Variants in COL27A1 observed in about 807,000 individuals in gnomAD.
The protein encoded by COL27A1 is collagen alpha-1(XXVII) chain.
A neutral mutation model predicts 251.3 loss-of-function variants in COL27A1; 106 were observed. That is an observed-to-expected ratio of 0.42 (90% confidence interval 0.36 to 0.50). The LOEUF is 0.50. Among genes scored for constraint, COL27A1 ranks in the 20% least tolerant of loss-of-function variants. COL27A1 has a pLI of 0.00. For missense variants in COL27A1, 2,325 were observed against 2,522.8 expected, an observed-to-expected ratio of 0.92 and a Z score of 1.68; for synonymous variants, 1,000 against 986.3, an observed-to-expected ratio of 1.01 and a Z score of -0.26.
chr9:114,219,724 G>A, intron 12 of COL27A1, 67 bp from the exon 13 acceptor site: 1 of 1,166,728 alleles, frequency 8.6e-7, no homozygotes, highest in Non-Finnish European at 1.3e-6. Flanking sequence ...TGGGGGTCTG[G>A]ATCAAAGCCC....
intron 14 of COL27A1, among the ~76,000 whole-genome samples, chr9:114,226,271 G>T (rs1426966813): frequency 6.6e-6 from 1 of 152,154 alleles, no homozygotes; most frequent in South Asian, 2.1e-4. Context: ...ACCTGCCTTT[G>T]TTTCCTTGTC....
chr9:114,209,856 G>T (rs1464644635), intron 11 of COL27A1, 128 bp downstream of exon 11: 5 of 845,842 alleles, frequency 5.9e-6, no homozygotes, highest in Non-Finnish European at 9.9e-6. Context: ...AGTCGAGTAG[G>T]AGTCTGATAA....
chr9:114,173,204 C>T (rs995237982), intron 3 of COL27A1, among the ~76,000 whole-genome samples: 1 of 148,898 alleles, frequency 6.7e-6, no homozygotes, highest in East Asian at 1.9e-4. Context: ...ACAGAAGCCC[C>T]ACGCCTGAGA....
rs141401194 is a variant in COL27A1 at position 114,222,427 on chromosome 9, G to A, written c.2466+160G>A. 1.7e-4 allele frequency among the ~76,000 whole-genome samples: 26 copies of A among 151,820 alleles called. No individual in the cohort carries two copies. In the East Asian group the frequency reaches 4.9e-3, roughly 29 times the overall value. ...TGGGGGGCCAGGAGAGACCAACCTGGGTGAGGAAGGTGGGTAGGGGAAGGT... is the reference window on the plus strand; with the variant it reads ...TGGGGGGCCAGGAGAGACCAACCTGAGTGAGGAAGGTGGGTAGGGGAAGGT... On this transcript the variant is annotated intron_variant, in intron 14 of 60. Coordinates refer to ENST00000356083, the MANE Select transcript of COL27A1 (RefSeq NM_032888.4).
chr9:114,263,897 C>A (rs181046831), intron 28 of COL27A1, among the ~76,000 whole-genome samples: 4 of 152,326 alleles, frequency 2.6e-5, no homozygotes, highest in Admixed American at 2.0e-4. Context: ...GAAGGACATG[C>A]AGGTTCTTCC....
chr9:114,179,904 T>C (rs1276943894), intron 4 of COL27A1, among the ~76,000 whole-genome samples: 1 of 134,172 alleles, frequency 7.5e-6, no homozygotes, highest in Non-Finnish European at 1.5e-5. Context: ...AATGGAGCAA[T>C]CTGGGCTCAC....
At chr9:114,159,544 G>T (rs1326899882) in intron 1 of COL27A1, among the ~76,000 whole-genome samples, 1 of 152,212 alleles carries the variant, frequency 6.6e-6, no homozygotes, top group Non-Finnish European at 1.5e-5. Context: ...AAGGCAAGGG[G>T]TAGTCTCCTC....
rs946732404 is a variant in COL27A1 at position 114,235,531 on chromosome 9, G to T, written c.2566-68G>T. The T allele has an allele frequency of 4.7e-5, 56 of 1,191,630 alleles. No homozygotes were observed. In the Admixed American group the frequency reaches 8.7e-4, roughly 19 times the overall value. 73.8% of individuals were successfully genotyped at this position (1,191,630 alleles called of 1,614,324 possible). On this transcript the variant is annotated intron_variant, in intron 16 of 60. Transcript: ENST00000356083. The stretch of plus-strand genomic sequence containing the variant: ...CGGCACAGCTGTACCTCGCCAGGGG[G>T]TCTGTGGGGGAGGCTTCCAGAACCC...
intron 44 of COL27A1, 25 bp downstream of exon 44, chr9:114,288,992 C>T (rs528872045): frequency 8.1e-6 from 13 of 1,612,968 alleles, no homozygotes; most frequent in Admixed American, 1.7e-5. Flanking sequence ...GTGTCCCATC[C>T]CTGCCTCCCA....
chr9:114,273,608 C>T (rs1417620499), intron 36 of COL27A1: 1 of 152,452 alleles, frequency 6.6e-6, no homozygotes, highest in Admixed American at 6.5e-5. Context: ...CCCTCTGCTT[C>T]CTGTGCTCTC....
rs145533177 is a variant in COL27A1, at chr9:114,217,333, C to T, written c.2368-2458C>T. Among the ~76,000 whole-genome samples, 1,451 of 152,316 alleles carry T rather than the reference C, an allele frequency of 9.5e-3. 7 individuals carry two copies. The highest frequency in any genetic ancestry group is 0.024 in the Middle Eastern group (7 of 294). On this transcript the variant is annotated intron_variant, in intron 12 of 60. Transcript: ENST00000356083. ...AGGCACCCTTCATGTGGCATCTCAGCTCATCCTCACAGCACTCCCTTTTGG... is the reference window on the plus strand; with the variant it reads ...AGGCACCCTTCATGTGGCATCTCAGTTCATCCTCACAGCACTCCCTTTTGG...
intron 27 of COL27A1, 58 bp from the exon 28 acceptor site, chr9:114,258,483 C>T (rs1368564400): frequency 1.3e-6 from 2 of 1,528,456 alleles, no homozygotes; most frequent in Non-Finnish European, 1.8e-6. Context: ...TCCCAGCCCC[C>T]CGTGTTGCTC....
intron 33 of COL27A1, among the ~76,000 whole-genome samples, 194 bp downstream of exon 33, chr9:114,266,812 G>T (rs145386092): frequency 1.9e-3 from 289 of 152,294 alleles, no homozygotes; most frequent in African/African-American, 6.6e-3. Flanking sequence ...ATAGGTTGAG[G>T]AGCTGGCTCC....
intron 14 of COL27A1, among the ~76,000 whole-genome samples, chr9:114,226,671 C>T (rs150277280): frequency 2.0e-5 from 3 of 152,360 alleles, no homozygotes; most frequent in Non-Finnish European, 4.4e-5. Flanking sequence ...GTCCCGAACC[C>T]GCCTGGCATT....
At chr9:114,206,570 T>G (rs76974079) in intron 10 of COL27A1, among the ~76,000 whole-genome samples, 1 of 152,206 alleles carries the variant, frequency 6.6e-6, no homozygotes, top group East Asian at 1.9e-4. Flanking sequence ...GGCATTTGTT[T>G]GCTGTGTCTC....
intron 5 of COL27A1, among the ~76,000 whole-genome samples, chr9:114,187,090 G>C (rs1017478010): frequency 6.6e-6 from 1 of 152,210 alleles, no homozygotes; most frequent in African/African-American, 2.4e-5. Flanking sequence ...AAGGAGATGT[G>C]GTCAGCAGAG....
intron 5 of COL27A1, among the ~76,000 whole-genome samples, chr9:114,192,941 C>T (rs928018551): frequency 9.2e-5 from 14 of 152,180 alleles, no homozygotes; most frequent in African/African-American, 3.1e-4. Context: ...CCACCCTTCC[C>T]ATGTGTTATG....
chr9:114,157,982 G>T (rs887502191), intron 1 of COL27A1, among the ~76,000 whole-genome samples: 1 of 152,192 alleles, frequency 6.6e-6, no homozygotes, highest in Non-Finnish European at 1.5e-5. Flanking sequence ...TGTTGAATGG[G>T]TGTGTGAGTC....
At position 114,264,420 on chromosome 9, in the gene COL27A1, T is replaced by A; in HGVS notation, c.3249+12T>A. The A allele has an allele frequency of 6.4e-7, 1 of 1,555,918 alleles. No individual in the cohort carries two copies. The highest frequency in any genetic ancestry group is 8.7e-7 in the Non-Finnish European group (1 of 1,147,420). Reference sequence around the variant, plus strand: ...CCAGGGGCCTGAAGGTACCGACCCCTAGGACCTGCCCTTCCTCACTCCTCC... The same window carrying A: ...CCAGGGGCCTGAAGGTACCGACCCCAAGGACCTGCCCTTCCTCACTCCTCC... On this transcript the variant is annotated intron_variant, in intron 29 of 60. Transcript: ENST00000356083.
Sources: allele counts gnomAD v4.1 joint callset (sites outside exome capture counted in the v4.1 genomes callset), GRCh38; gene constraint gnomAD v4.1.1; transcripts MANE v1.5; gene names NCBI Gene and HGNC (gene_info 2026-07-23, HGNC 2026-07-21).